SLC25A20: variants seen among roughly 807,000 people sequenced by gnomAD.
The protein encoded by SLC25A20 is mitochondrial carnitine/acylcarnitine carrier protein.
SLC25A20 carries 29 observed loss-of-function variants against 39.7 expected under a neutral mutation model. The ratio of observed to expected loss-of-function variants is 0.73; its 90% CI spans 0.54 to 1.00. The LOEUF is 1.00. Ranked by LOEUF, SLC25A20 falls within the 50% of genes least tolerant of loss-of-function variation. SLC25A20 has a pLI of 0.00. For missense variants in SLC25A20, 333 were observed against 379.9 expected (o/e 0.88, Z 1.03); for synonymous variants, 103 against 142.2 (o/e 0.72, Z 1.96).
At chr3:48,881,023 A>G (rs1459212342) in intron 3 of SLC25A20, among the ~76,000 whole-genome samples, 1 of 152,208 alleles carries the variant, frequency 6.6e-6, no homozygotes, top group Non-Finnish European at 1.5e-5. Flanking sequence ...CTTGACCCCA[A>G]GCCTCCAACA....
At chr3:48,860,003 A>G (rs367545501) in intron 5 of SLC25A20, among the ~76,000 whole-genome samples, 31 of 152,320 alleles carry the variant, frequency 2.0e-4, no homozygotes, top group African/African-American at 6.0e-4. Context: ...CCTCGTCTCT[A>G]CTAAAAATAT....
In SLC25A20 at chr3:48,896,483, T is replaced by TTTTTG. The variant is rs144499213; in HGVS notation, c.105+2202_105+2206dup. ...GAACATTAAAGTCCTTTGCAGGTGG[T>TTTTTG]TTTTGTTTTGTTTTGTTTTGTTTTG... On this transcript the variant is annotated intron_variant, in intron 1 of 8. Transcript: ENST00000319017. 6.9e-4 allele frequency among the ~76,000 whole-genome samples: 101 copies of TTTTTG among 147,118 alleles called. 1 individual carries two copies. The highest frequency in any genetic ancestry group is 2.5e-3 in the East Asian group (12 of 4,876).
chr3:48,880,699 C>A (rs1049736523), intron 3 of SLC25A20, among the ~76,000 whole-genome samples: 1 of 151,398 alleles, frequency 6.6e-6, no homozygotes, highest in Non-Finnish European at 1.5e-5. Context: ...CCACCTCAAC[C>A]TCCTGAGTAG....
intron 1 of SLC25A20, among the ~76,000 whole-genome samples, chr3:48,897,074 TCC>T (rs1221686077): frequency 1.8e-5 from 2 of 113,782 alleles, no homozygotes; most frequent in Admixed American, 1.2e-4. Flanking sequence ...TTTCTTCTTC[TCC>T]TTTTTTTTTT....
chr3:48,866,030 A>G (rs1365309677), intron 4 of SLC25A20, among the ~76,000 whole-genome samples: 1 of 151,922 alleles, frequency 6.6e-6, no homozygotes, highest in Admixed American at 6.6e-5. Flanking sequence ...GCTACTCGGG[A>G]GGCTGAGGCA....
At chr3:48,875,834 G>A (rs1357189538) in intron 4 of SLC25A20, among the ~76,000 whole-genome samples, 1 of 151,832 alleles carries the variant, frequency 6.6e-6, no homozygotes, top group African/African-American at 2.4e-5. Context: ...CCTGGGCAAC[G>A]TGGTAAAACC....
At chr3:48,866,872 C>T (rs889452309) in intron 4 of SLC25A20, among the ~76,000 whole-genome samples, 1 of 152,104 alleles carries the variant, frequency 6.6e-6, no homozygotes, top group Non-Finnish European at 1.5e-5. Context: ...CGACTCACGG[C>T]AACCTCTGCC....
At chr3:48,859,050 G>A (rs1315182094) in intron 7 of SLC25A20, 42 bp downstream of exon 7, 4 of 1,519,316 alleles carry the variant, frequency 2.6e-6, no homozygotes, top group Non-Finnish European at 2.7e-6. Context: ...CCAGTGCTGG[G>A]GACCCACTCT....
intron 2 of SLC25A20, among the ~76,000 whole-genome samples, chr3:48,887,164 C>T (rs1476227110): frequency 2.0e-5 from 3 of 152,166 alleles, no homozygotes; most frequent in Non-Finnish European, 2.9e-5. Flanking sequence ...CCCACAGCTC[C>T]CTACATGAGC....
At chr3:48,859,519 C>G in intron 6 of SLC25A20, 36 bp downstream of exon 6, 1 of 1,566,230 alleles carries the variant, frequency 6.4e-7, no homozygotes, top group Non-Finnish European at 8.8e-7. Context: ...GCACCCATGA[C>G]TGGGGAAAGT....
At chr3:48,878,121 C>T (rs546634171) in intron 4 of SLC25A20, among the ~76,000 whole-genome samples, 22 of 151,572 alleles carry the variant, frequency 1.5e-4, no homozygotes, top group East Asian at 1.2e-3. Context: ...ATTAGGTGGG[C>T]GTGGTGGCAC....
chr3:48,892,181 A>G (rs984812017), intron 1 of SLC25A20, 109 bp from the exon 2 acceptor site: 14 of 826,090 alleles, frequency 1.7e-5, no homozygotes, highest in African/African-American at 1.5e-4. Context: ...ACCCTTGTAC[A>G]TGTCTTTGGC....
intron 3 of SLC25A20, among the ~76,000 whole-genome samples, chr3:48,882,248 T>TG (rs772496469): frequency 6.6e-6 from 1 of 152,240 alleles, no homozygotes; most frequent in Non-Finnish European, 1.5e-5. Flanking sequence ...CTGTCTCAGG[T>TG]GACTCTTCAT....
chr3:48,859,685 G>A, intron 5 of SLC25A20, 58 bp from the exon 6 acceptor site: 1 of 1,322,952 alleles, frequency 7.6e-7, no homozygotes, highest in Non-Finnish European at 1.1e-6. Context: ...CAGGCATGGT[G>A]GTACACACCT....
rs369312908 is a variant in SLC25A20, at chr3:48,898,653, G to C, written c.105+37C>G. 1.0e-4 allele frequency: 160 copies of C among 1,548,910 alleles called. No homozygotes were observed. The African/African-American group carries it at 1.7e-3, about 16-fold the overall frequency. On this transcript the variant is annotated intron_variant, in intron 1 of 8. Transcript: ENST00000319017. Reference sequence around the variant, plus strand: ...ACCATGCTTTCCGCGCCCCGCCCGGGCCTCCTCCCCAAAGCCTGCGACCCA... The same window carrying C: ...ACCATGCTTTCCGCGCCCCGCCCGGCCCTCCTCCCCAAAGCCTGCGACCCA...
intron 4 of SLC25A20, among the ~76,000 whole-genome samples, chr3:48,877,044 C>T (rs904653950): frequency 6.6e-5 from 10 of 151,862 alleles, no homozygotes; most frequent in African/African-American, 1.9e-4. Flanking sequence ...TGCAGTGAGC[C>T]GAAATCATAC....
At chr3:48,891,020 T>A (rs1052414835) in intron 2 of SLC25A20, among the ~76,000 whole-genome samples, 1 of 152,052 alleles carries the variant, frequency 6.6e-6, no homozygotes, top group African/African-American at 2.4e-5. Context: ...CCAGTCTCCA[T>A]GTCTTGGTAG....
chr3:48,896,115 G>A (rs371006114), intron 1 of SLC25A20, among the ~76,000 whole-genome samples: 1 of 150,682 alleles, frequency 6.6e-6, no homozygotes, highest in Non-Finnish European at 1.5e-5. Flanking sequence ...ACTCCAGCCT[G>A]GGTGACAGAG....
intron 2 of SLC25A20, among the ~76,000 whole-genome samples, chr3:48,889,383 A>G (rs28642807): frequency 0.68 from 102,033 of 150,966 alleles, 35,031 homozygotes; most frequent in East Asian, 0.96. Flanking sequence ...GAGTGAGACC[A>G]TGTCTCAAAA....
Sources: gnomAD v4.1 joint callset for allele counts (sites outside exome capture counted in the v4.1 genomes callset) on GRCh38, gnomAD v4.1.1 for gene constraint, MANE v1.5 for transcripts, NCBI Gene and HGNC (gene_info 2026-07-23, HGNC 2026-07-21) for gene names.